USP16: variants seen among roughly 807,000 people sequenced by gnomAD.
USP16 encodes ubiquitin carboxyl-terminal hydrolase 16.
USP16 carries 77 observed loss-of-function variants against 95.9 expected under a neutral mutation model. That is an observed-to-expected ratio of 0.80 (90% confidence interval 0.67 to 0.97). USP16 has a LOEUF of 0.97. USP16 is among the 50% of genes least tolerant of loss of function. The pLI is 0.00. For synonymous variants in USP16, 303 were observed against 318.2 expected, an observed-to-expected ratio of 0.95 and a Z score of 0.51; for missense variants, 943 against 959.9, an observed-to-expected ratio of 0.98 and a Z score of 0.23.
Position 29,043,462 on chromosome 21 carries a change from A to G in USP16, c.1219A>G (p.Thr407Ala), listed in dbSNP as rs921927547. The change falls in exon 13 of 18, where the codon ACA becomes GCA. Residue 407 changes from threonine to alanine, a missense_variant. By Grantham distance (58) the Thr-to-Ala change is moderately conservative. Coordinates refer to ENST00000399976, the MANE Select transcript of USP16 (RefSeq NM_006447.3). ...KSVNDKNLKKTVEDEDQDSEE... is the reference protein window; with the variant it reads ...KSVNDKNLKKAVEDEDQDSEE... Reference sequence around the variant, plus strand: ...TGTAAATGATAAAAATCTGAAAAAGACAGTGGAGGATGAAGATCAAGATAG... The same window carrying G: ...TGTAAATGATAAAAATCTGAAAAAGGCAGTGGAGGATGAAGATCAAGATAG... 15 of 1,571,450 alleles carry G rather than the reference A, an allele frequency of 9.5e-6. No homozygotes were observed. Among genetic ancestry groups the G allele is most frequent in the African/African-American group, 4.1e-5 (3 of 72,554 alleles).
Position 29,050,075 on chromosome 21 carries a change from T to G in USP16, c.2107-17T>G, listed in dbSNP as rs776346260. The stretch of plus-strand genomic sequence containing the variant: ...TTTTCCAAGAAAAGAAGTCAATCTG[T>G]TATGCTTCTCTTTTAGGCTGGTTTT... On this transcript the variant is annotated splice_polypyrimidine_tract_variant and intron_variant, in intron 15 of 17. Transcript: ENST00000399976. 6.2e-7 allele frequency: 1 copy of G among 1,606,736 alleles called. No homozygotes were observed. The highest frequency in any genetic ancestry group is 8.5e-7 in the Non-Finnish European group (1 of 1,177,102).
At position 29,042,448 on chromosome 21, in the gene USP16, C is replaced by G. The variant is rs370609898; in HGVS notation, c.1123-24C>G. 427 of 1,596,578 alleles carry G rather than the reference C, an allele frequency of 2.7e-4. No homozygotes were observed. Among genetic ancestry groups the G allele is most frequent in the Middle Eastern group, 1.3e-3 (8 of 6,020 alleles). Reference sequence around the variant, plus strand: ...AACATTTACAGTATTTACATTTTTACACTGTCTTTTCTGATTGGTTAAGGT... The same window carrying G: ...AACATTTACAGTATTTACATTTTTAGACTGTCTTTTCTGATTGGTTAAGGT... On this transcript the variant is annotated intron_variant, in intron 11 of 17. Coordinates refer to ENST00000399976, the MANE Select transcript of USP16 (RefSeq NM_006447.3).
intron 3 of USP16, 103 bp downstream of exon 3, chr21:29,030,876 A>G (rs1201773902): frequency 2.3e-6 from 3 of 1,306,368 alleles, no homozygotes; most frequent in South Asian, 1.6e-5. Context: ...GGATACTAGT[A>G]ACATAGATCA....
At chr21:29,048,475 C>T (rs1173958912) in intron 14 of USP16, among the ~76,000 whole-genome samples, 1 of 152,164 alleles carries the variant, frequency 6.6e-6, no homozygotes, top group African/African-American at 2.4e-5. Context: ...TATTGTGTCT[C>T]TCCACAGTAA....
Position 29,037,439 on chromosome 21 carries a change from A to G in USP16, c.612A>G (p.Thr204=), listed in dbSNP as rs777967116. 6.3e-6 allele frequency: 10 copies of G among 1,595,612 alleles called. No homozygotes were observed. The highest frequency in any genetic ancestry group is 1.4e-5 in the African/African-American group (1 of 73,934). The change falls in exon 6 of 18, where the codon ACA becomes ACG. Residue 204 remains threonine (T), a synonymous_variant. Coordinates refer to ENST00000399976, the MANE Select transcript of USP16 (RefSeq NM_006447.3). ...AAGGACTCAGTAATTTGGGAAACAC[A>G]TGTTTCTTCAATGCAGTTATGCAGG... ...TVKGLSNLGN[T]CFFNAVMQNL...
intron 13 of USP16, among the ~76,000 whole-genome samples, chr21:29,044,368 C>T (rs1449210001): frequency 6.6e-6 from 1 of 151,982 alleles, no homozygotes; most frequent in East Asian, 1.9e-4. Flanking sequence ...TCACCATTCA[C>T]ACCATTCTGG....
intron 5 of USP16, 30 bp from the exon 6 acceptor site, chr21:29,037,246 C>G (rs769188157): frequency 7.2e-7 from 1 of 1,398,230 alleles, no homozygotes; most frequent in Admixed American, 2.1e-5. Flanking sequence ...CTGTATTACA[C>G]ATTTTGCTAA....
chr21:29,052,420 G>C (rs1950817803), intron 16 of USP16: 1 of 152,296 alleles, frequency 6.6e-6, no homozygotes, highest in Non-Finnish European at 1.5e-5. Context: ...ATGGATGGCA[G>C]CGGGCAAAGC....
intron 6 of USP16, 48 bp downstream of exon 6, chr21:29,037,511 A>T: frequency 1.4e-6 from 2 of 1,411,204 alleles, no homozygotes; most frequent in Middle Eastern, 1.9e-4. Context: ...TTTTCCTCAT[A>T]GAATCTGCTA....
chr21:29,026,316 T>C (rs2084986122), intron 1 of USP16, among the ~76,000 whole-genome samples: 1 of 151,506 alleles, frequency 6.6e-6, no homozygotes, highest in Admixed American at 6.6e-5. Flanking sequence ...ATTAGCCGGG[T>C]GTGGTGGTGG....
At chr21:29,039,619 C>T in intron 9 of USP16, 51 bp downstream of exon 9, 1 of 1,550,936 alleles carries the variant, frequency 6.4e-7, no homozygotes, top group Non-Finnish European at 8.8e-7. Context: ...CATAAGCTTT[C>T]TGTCTCATTT....
chr21:29,040,590 T>C lies in USP16; in HGVS notation c.952-19T>C, dbSNP rs1473208650. On this transcript the variant is annotated intron_variant, in intron 9 of 17. Transcript: ENST00000399976. Reference sequence around the variant, plus strand: ...TTTAAAATTTAATAGTATATATATATCCATTTTATTACTTTTAGAGAGTGA... The same window carrying C: ...TTTAAAATTTAATAGTATATATATACCCATTTTATTACTTTTAGAGAGTGA... The C allele has an allele frequency of 8.3e-7, 1 of 1,207,266 alleles. No individual in the cohort carries two copies. Among genetic ancestry groups the C allele is most frequent in the South Asian group, 1.4e-5 (1 of 69,096 alleles). 74.8% of individuals were successfully genotyped at this position (1,207,266 alleles called of 1,614,324 possible).
At chr21:29,024,836 A>G in intron 1 of USP16, 59 bp downstream of exon 1, 2 of 1,236,540 alleles carry the variant, frequency 1.6e-6, no homozygotes, top group Non-Finnish European at 2.1e-6. Flanking sequence ...GCGCTGGGAG[A>G]GCTCCTGTTT....
chr21:29,053,749 C>T, intron 16 of USP16, 53 bp from the exon 17 acceptor site: 2 of 1,569,860 alleles, frequency 1.3e-6, no homozygotes, highest in East Asian at 4.5e-5. Context: ...TTGCCCATGA[C>T]ATCTGTGTAA....
chr21:29,029,043 G>A (rs2085037258), intron 2 of USP16, among the ~76,000 whole-genome samples: 1 of 152,202 alleles, frequency 6.6e-6, no homozygotes, highest in Admixed American at 6.5e-5. Context: ...GCGTAGTAAA[G>A]TGCCCATTTC....
intron 8 of USP16, 114 bp downstream of exon 8, chr21:29,039,270 C>G (rs993978075): frequency 3.4e-6 from 4 of 1,167,634 alleles, no homozygotes; most frequent in African/African-American, 3.2e-5. Context: ...AGTCAACCCT[C>G]TATATACAAA....
intron 9 of USP16, 52 bp from the exon 10 acceptor site, chr21:29,040,557 A>G: frequency 1.3e-6 from 1 of 751,332 alleles, no homozygotes; most frequent in Non-Finnish European, 1.9e-6. Context: ...TTTCTAAGGA[A>G]AATAAAATTT....
chr21:29,031,320 C>T (rs2085073372), intron 3 of USP16, among the ~76,000 whole-genome samples: 1 of 152,190 alleles, frequency 6.6e-6, no homozygotes. Context: ...TACCGTGGTA[C>T]TAAAGTCAGG....
chr21:29,028,088 A>G (rs1319787288), intron 2 of USP16, 114 bp downstream of exon 2: 3 of 792,444 alleles, frequency 3.8e-6, no homozygotes, highest in Admixed American at 2.8e-5. Flanking sequence ...TTTTAATATA[A>G]TGTTTGTATC....
Sources: gnomAD v4.1 joint callset for allele counts (sites outside exome capture counted in the v4.1 genomes callset) on GRCh38, gnomAD v4.1.1 for gene constraint, MANE v1.5 for transcripts, NCBI Gene and HGNC (gene_info 2026-07-23, HGNC 2026-07-21) for gene names.